ZBTB8A: variants seen among roughly 807,000 people sequenced by gnomAD.
ZBTB8A encodes zinc finger and BTB domain-containing protein 8A.
ZBTB8A carries 19 observed loss-of-function variants against 37.8 expected under a neutral mutation model. The observed-to-expected ratio is 0.50, with a 90% CI of 0.35 to 0.74. The LOEUF is 0.74. ZBTB8A is among the 30% of genes least tolerant of loss of function. The pLI, the probability that ZBTB8A is intolerant of heterozygous loss-of-function variation, is 0.01. For synonymous variants in ZBTB8A, 181 were observed against 185.2 expected (o/e 0.98, Z 0.19); for missense variants, 394 against 537.8 (o/e 0.73, Z 2.65).
chr1:32,595,242 C>T lies in ZBTB8A; in HGVS notation c.993+19C>T, dbSNP rs1014007431. ...TCGAACAGTATGTATGATTTTTTTT[C>T]ATCGTTTTACTAATTCTTTTTTGGT... On this transcript the variant is annotated intron_variant, in intron 4 of 4. Transcript: ENST00000373510. 1.9e-6 allele frequency: 3 copies of T among 1,591,754 alleles called. No individual in the cohort carries two copies. Among genetic ancestry groups the T allele is most frequent in the Non-Finnish European group, 2.6e-6 (3 of 1,169,676 alleles).
At chr1:32,547,670 C>T (rs1644117270) in intron 1 of ZBTB8A, among the ~76,000 whole-genome samples, 1 of 146,084 alleles carries the variant, frequency 6.8e-6, no homozygotes, top group East Asian at 2.0e-4. Flanking sequence ...AAAATGGTTT[C>T]TCAAGAATAA....
chr1:32,594,635 T>C (rs1644515742), intron 3 of ZBTB8A, among the ~76,000 whole-genome samples: 1 of 151,854 alleles, frequency 6.6e-6, no homozygotes, highest in Admixed American at 6.6e-5. Context: ...CTGGCGCATG[T>C]CTGTAATCCC....
intron 2 of ZBTB8A, among the ~76,000 whole-genome samples, chr1:32,567,985 C>CA (rs928278223): frequency 3.3e-5 from 5 of 151,122 alleles, no homozygotes; most frequent in African/African-American, 1.2e-4. Context: ...ACTAAAAATA[C>CA]AAAAAAATTA....
chr1:32,554,381 G>C (rs1050154533), intron 2 of ZBTB8A, among the ~76,000 whole-genome samples: 4 of 150,834 alleles, frequency 2.7e-5, no homozygotes, highest in Admixed American at 2.0e-4. Flanking sequence ...CTCTTAAGGA[G>C]GTGTAGTGTA....
chr1:32,595,265 G>T (rs760059657), intron 4 of ZBTB8A, 42 bp downstream of exon 4: 36 of 1,597,976 alleles, frequency 2.3e-5, no homozygotes, highest in African/African-American at 1.1e-4. Flanking sequence ...ATTCTTTTTT[G>T]GTTTTTGTTT....
chr1:32,540,102 G>A (rs1315786910), intron 1 of ZBTB8A, among the ~76,000 whole-genome samples: 1 of 152,090 alleles, frequency 6.6e-6, no homozygotes, highest in South Asian at 2.1e-4. Context: ...GTCAAGATGC[G>A]ACATCTGGGC....
intron 2 of ZBTB8A, among the ~76,000 whole-genome samples, chr1:32,567,117 G>T (rs1258272764): frequency 6.6e-6 from 1 of 152,162 alleles, no homozygotes; most frequent in Non-Finnish European, 1.5e-5. Flanking sequence ...TGTAAAGGAA[G>T]CATGACTGGG....
chr1:32,592,092 T>C (rs1644494679), intron 2 of ZBTB8A, among the ~76,000 whole-genome samples: 1 of 151,770 alleles, frequency 6.6e-6, no homozygotes, highest in South Asian at 2.1e-4. Flanking sequence ...CTGCCCGCCT[T>C]GGCCTCCCAA....
intron 1 of ZBTB8A, among the ~76,000 whole-genome samples, chr1:32,546,984 C>T (rs1237784235): frequency 6.6e-6 from 1 of 152,080 alleles, no homozygotes; most frequent in Non-Finnish European, 1.5e-5. Flanking sequence ...TCACTGCAGC[C>T]TCAGCCTCTC....
rs750933444 is a variant in ZBTB8A, at chr1:32,595,041, C to T, written c.824-13C>T. On this transcript the variant is annotated splice_polypyrimidine_tract_variant and intron_variant, in intron 3 of 4. Transcript: ENST00000373510. The stretch of plus-strand genomic sequence containing the variant: ...GAACTTTCCAGTGATTTAATCAAAG[C>T]GTCTCTTGACAGATGATCTGCCTCG... 76 of 1,601,672 alleles carry T rather than the reference C, an allele frequency of 4.7e-5. No individual in the cohort carries two copies. Among genetic ancestry groups the T allele is most frequent in the Non-Finnish European group, 5.5e-5 (64 of 1,172,978 alleles).
intron 1 of ZBTB8A, among the ~76,000 whole-genome samples, chr1:32,546,936 C>T (rs1644109395): frequency 6.6e-6 from 1 of 152,098 alleles, no homozygotes; most frequent in African/African-American, 2.4e-5. Flanking sequence ...GGGTCTTGCC[C>T]TGTTGCCCAG....
At chr1:32,585,864 G>A (rs778644078) in intron 2 of ZBTB8A, among the ~76,000 whole-genome samples, 5 of 151,698 alleles carry the variant, frequency 3.3e-5, no homozygotes, top group African/African-American at 4.9e-5. Context: ...TCAGCCGGGC[G>A]TGGTGGCGGG....
At chr1:32,559,481 T>C (rs927173326) in intron 2 of ZBTB8A, among the ~76,000 whole-genome samples, 1 of 151,958 alleles carries the variant, frequency 6.6e-6, no homozygotes, top group Non-Finnish European at 1.5e-5. Flanking sequence ...TTTTGTTTTT[T>C]GAGACAGAGT....
chr1:32,562,633 G>A (rs1644252627), intron 2 of ZBTB8A, among the ~76,000 whole-genome samples: 1 of 144,746 alleles, frequency 6.9e-6, no homozygotes. Flanking sequence ...CTGGAGTGCA[G>A]TGGCGTGATC....
In ZBTB8A at chr1:32,566,709, G is replaced by C. The variant is rs77405718; in HGVS notation, c.-2+13169G>C. Among the ~76,000 whole-genome samples, 770 of 152,252 alleles carry C rather than the reference G, an allele frequency of 5.1e-3. 10 individuals carry two copies. Among genetic ancestry groups the C allele is most frequent in the East Asian group, 0.043 (225 of 5,188 alleles). The stretch of plus-strand genomic sequence containing the variant: ...TAAAGCTCCCCATACTAAAGATGGG[G>C]TTGTCAAGGAAACCTCTGATGAAGT... On this transcript the variant is annotated intron_variant, in intron 2 of 4. Coordinates refer to ENST00000373510, the MANE Select transcript of ZBTB8A (RefSeq NM_001040441.3).
At chr1:32,550,266 A>C (rs1339920640) in intron 1 of ZBTB8A, among the ~76,000 whole-genome samples, 2 of 152,172 alleles carry the variant, frequency 1.3e-5, no homozygotes, top group Non-Finnish European at 2.9e-5. Context: ...ATCTGAAAAA[A>C]ATAGCATTCC....
intron 2 of ZBTB8A, among the ~76,000 whole-genome samples, chr1:32,589,202 C>CA (rs1644470196): frequency 6.6e-6 from 1 of 152,104 alleles, no homozygotes; most frequent in African/African-American, 2.4e-5. Context: ...GTTTTTGAGA[C>CA]AGAGTCTTGT....
intron 2 of ZBTB8A, among the ~76,000 whole-genome samples, chr1:32,561,860 A>G (rs1644245953): frequency 6.6e-6 from 1 of 152,158 alleles, no homozygotes; most frequent in African/African-American, 2.4e-5. Flanking sequence ...TCAGCATATA[A>G]TTTTGGGGGG....
rs550901692 is a variant in ZBTB8A, at chr1:32,587,561, G to A, written c.-1-5370G>A. Among the ~76,000 whole-genome samples, 94 of 152,128 alleles carry A rather than the reference G, an allele frequency of 6.2e-4. 1 individual carries two copies. In the Middle Eastern group the frequency reaches 0.01, roughly 17 times the overall value. ...TTAGGGAGGCCAAGGCAGGAGGATC[G>A]TTTGAGCCCAGCAGTTTGAGACCAG... is the stretch of plus-strand genomic sequence containing the variant. On this transcript the variant is annotated intron_variant, in intron 2 of 4. Transcript: ENST00000373510.
Sources: gnomAD v4.1 joint callset for allele counts (sites outside exome capture counted in the v4.1 genomes callset) on GRCh38, gnomAD v4.1.1 for gene constraint, MANE v1.5 for transcripts, NCBI Gene and HGNC (gene_info 2026-07-23, HGNC 2026-07-21) for gene names.